ARPIN: variants seen among roughly 807,000 people sequenced by gnomAD.
The protein encoded by ARPIN is actin related protein 2/3 complex inhibitor, also known as UPF0552 protein C15orf38.
Under a neutral mutation model 25.9 loss-of-function variants are expected in ARPIN, and 23 were observed. The observed-to-expected ratio is 0.89, with a 90% confidence interval of 0.64 to 1.26. The LOEUF (loss-of-function observed/expected upper bound fraction) is 1.26. Among genes scored for constraint, ARPIN ranks in the 50% most tolerant of loss-of-function variants. ARPIN has a pLI of 0.00. For missense variants in ARPIN, 333 were observed against 312.2 expected, an observed-to-expected ratio of 1.07 and a Z score of -0.50; for synonymous variants, 126 against 131.4, an observed-to-expected ratio of 0.96 and a Z score of 0.28.
rs1382471803 is a variant in ARPIN, at chr15:89,908,176, G to C, written c.301+104C>G. On this transcript the variant is annotated intron_variant, in intron 3 of 5. Transcript: ENST00000357484. The stretch of plus-strand genomic sequence containing the variant: ...GCCACATACAGGGCTTCAACATCAA[G>C]AGGGCTGAAGAGACACTTTCCAGGG... The C allele has an allele frequency of 2.0e-6, 3 of 1,534,212 alleles. No homozygotes were observed. The African/African-American group carries it at 4.1e-5, about 21-fold the overall frequency.
chr15:89,911,895 C>G (rs965756346), intron 1 of ARPIN, among the ~76,000 whole-genome samples: 1 of 152,186 alleles, frequency 6.6e-6, no homozygotes, highest in African/African-American at 2.4e-5. Flanking sequence ...GGCACAATCT[C>G]GGCTCACTGC....
At chr15:89,910,918 T>C in intron 1 of ARPIN, 99 bp from the exon 2 acceptor site, 1 of 1,373,924 alleles carries the variant, frequency 7.3e-7, no homozygotes, top group Non-Finnish European at 1.0e-6. Context: ...GGCTGGGTAC[T>C]GAGCAGCTCC....
intron 1 of ARPIN, 59 bp downstream of exon 1, chr15:89,912,685 G>A: frequency 1.3e-6 from 1 of 742,034 alleles, no homozygotes; most frequent in Non-Finnish European, 1.7e-6. Flanking sequence ...ACCCGATCCT[G>A]TTGCGGGGTT....
Position 89,899,837 on chromosome 15 carries a change from G to A in ARPIN, c.*1958C>T, listed in dbSNP as rs371082892. The A allele has an allele frequency of 5.2e-5, 8 of 152,456 alleles. No individual in the cohort carries two copies. Among genetic ancestry groups the A allele is most frequent in the African/African-American group, 1.7e-4 (7 of 41,546 alleles). The allele number at this position is 152,456 out of a possible 1,614,324, so 9.4% of individuals were successfully genotyped here. A position where few individuals can be genotyped will look rare whatever the true frequency, so the allele number is the denominator to read the frequency against. On this transcript the variant is annotated 3_prime_UTR_variant, in exon 6 of 6. Transcript: ENST00000357484. ...TAAAGTCCCCAATTCCTTAACATGCGTGAGGATGCCATGCCCAATCTCCAG... is the reference window on the plus strand; with the variant it reads ...TAAAGTCCCCAATTCCTTAACATGCATGAGGATGCCATGCCCAATCTCCAG...
intron 3 of ARPIN, among the ~76,000 whole-genome samples, chr15:89,904,194 G>C (rs757731973): frequency 4.6e-5 from 7 of 152,234 alleles, no homozygotes; most frequent in South Asian, 2.1e-4. Flanking sequence ...GCAGATCTGG[G>C]CTCCACAATA....
chr15:89,901,997 T>C (rs1596232255), intron 5 of ARPIN, among the ~76,000 whole-genome samples, 194 bp from the exon 6 acceptor site: 1 of 152,210 alleles, frequency 6.6e-6, no homozygotes, highest in African/African-American at 2.4e-5. Context: ...ATTCGCTTTA[T>C]GAAGACAAAA....
At chr15:89,912,518 G>T in intron 1 of ARPIN, 1 of 1,298,646 alleles carries the variant, frequency 7.7e-7, no homozygotes, top group Non-Finnish European at 9.8e-7. Context: ...TCGAGGGCAG[G>T]CGGACAGGCG....
In ARPIN at chr15:89,912,773, T is replaced by A; in HGVS notation, c.63A>T (p.Pro21=). 1 of 1,460,574 alleles carries A rather than the reference T, an allele frequency of 6.8e-7. No individual in the cohort carries two copies. The highest frequency in any genetic ancestry group is 9.0e-7 in the Non-Finnish European group (1 of 1,109,352). The allele number at this position is 1,460,574 out of a possible 1,614,324, so 90.5% of individuals were successfully genotyped here. A position where few individuals can be genotyped will look rare whatever the true frequency, so the allele number is the denominator to read the frequency against. ...GGTGGGCGGCGGGGTCCCAGGCCCCTGGCAGCCGGACGCTCTGCACCGCCT... is the reference window on the plus strand; with the variant it reads ...GGTGGGCGGCGGGGTCCCAGGCCCCAGGCAGCCGGACGCTCTGCACCGCCT... The part of the protein sequence containing the change: ...RNKAVQSVRL[P]GAWDPAAHQG... Residue 21 remains proline, a synonymous_variant, in exon 1 of 6, where the codon CCA becomes CCT. Coordinates refer to ENST00000357484, the MANE Select transcript of ARPIN (RefSeq NM_182616.4).
chr15:89,901,703 C>T lies in ARPIN; in HGVS notation c.*92G>A. ...GAAGAACCAGGTAAGACTTGGCAGACTGTTCTCTCCAGCTCCAGAGTAGAA... is the reference window on the plus strand; with the variant it reads ...GAAGAACCAGGTAAGACTTGGCAGATTGTTCTCTCCAGCTCCAGAGTAGAA... On this transcript the variant is annotated 3_prime_UTR_variant, in exon 6 of 6. Transcript: ENST00000357484. 1 of 1,483,902 alleles carries T rather than the reference C, an allele frequency of 6.7e-7. No individual in the cohort carries two copies. The highest frequency in any genetic ancestry group is 1.7e-5 in the Admixed American group (1 of 57,806). The allele number at this position is 1,483,902 out of a possible 1,614,324, so 91.9% of individuals were successfully genotyped here. A position where few individuals can be genotyped will look rare whatever the true frequency, so the allele number is the denominator to read the frequency against.
chr15:89,896,856 A>T lies in ARPIN; in HGVS notation c.*4939T>A, dbSNP rs1013774447. ...TTTTCACCTCATCAAAAATCATTTT[A>T]AAAATGTTTTCATACCCAATTCTCA... On this transcript the variant is annotated 3_prime_UTR_variant, in exon 6 of 6. Coordinates refer to ENST00000357484, the MANE Select transcript of ARPIN (RefSeq NM_182616.4). 6.6e-6 allele frequency: 1 copy of T among 152,250 alleles called. No individual in the cohort carries two copies. Among genetic ancestry groups the T allele is most frequent in the Non-Finnish European group, 1.5e-5 (1 of 68,036 alleles). The allele number at this position is 152,250 out of a possible 1,614,324, so 9.4% of individuals were successfully genotyped here.
intron 3 of ARPIN, among the ~76,000 whole-genome samples, chr15:89,904,473 C>A (rs998505029): frequency 5.9e-5 from 9 of 152,190 alleles, no homozygotes; most frequent in Admixed American, 5.9e-4. Context: ...CATCTTGAGA[C>A]CCCGGTGGCC....
Position 89,910,787 on chromosome 15 carries a change from A to T in ARPIN, c.125T>A (p.Ile42Asn). ...GNGVLLEGEL[I>N]DVSRHSILDT... ...CAAGATGCTGTGCCGAGATACATCG[A>T]TCAGTTCTCCCTCCAGCAGGACACC... Residue 42 changes from isoleucine (I) to asparagine (N), a missense_variant, in exon 2 of 6, where the codon ATC becomes AAC. Physicochemically the swap from Ile to Asn is moderately radical, Grantham distance 149 (BLOSUM62 -3). Transcript: ENST00000357484. 1 of 1,614,174 alleles carries T rather than the reference A, an allele frequency of 6.2e-7. No homozygotes were observed. Among genetic ancestry groups the T allele is most frequent in the Non-Finnish European group, 8.5e-7 (1 of 1,180,022 alleles).
intron 3 of ARPIN, among the ~76,000 whole-genome samples, chr15:89,905,975 T>G (rs1596234721): frequency 6.6e-6 from 1 of 151,948 alleles, no homozygotes; most frequent in African/African-American, 2.4e-5. Flanking sequence ...CACAAACCTC[T>G]CGCCCCTCCA....
chr15:89,901,557 A>G lies in ARPIN; in HGVS notation c.*238T>C, dbSNP rs1432989446. The G allele has an allele frequency of 1.2e-5, 7 of 573,830 alleles. No individual in the cohort carries two copies. The highest frequency in any genetic ancestry group is 4.2e-5 in the South Asian group (2 of 47,384). 35.5% of individuals were successfully genotyped at this position (573,830 alleles called of 1,614,324 possible). A position where few individuals can be genotyped will look rare whatever the true frequency, so the allele number is the denominator to read the frequency against. On this transcript the variant is annotated 3_prime_UTR_variant, in exon 6 of 6. Transcript: ENST00000357484. ...TCATCATGTAATGTCTAGGAAGGCTAGACTCACATGCAGGGAGGGGCCCTC... is the reference window on the plus strand; with the variant it reads ...TCATCATGTAATGTCTAGGAAGGCTGGACTCACATGCAGGGAGGGGCCCTC...
At chr15:89,905,245 C>G (rs557410923) in intron 3 of ARPIN, among the ~76,000 whole-genome samples, 2 of 151,866 alleles carry the variant, frequency 1.3e-5, no homozygotes, top group East Asian at 3.9e-4. Flanking sequence ...TGGTCTCAAA[C>G]TCCTGACCTC....
rs1171459324 is a variant in ARPIN, at chr15:89,898,110, T to A, written c.*3685A>T. 1.4e-5 allele frequency: 2 copies of A among 140,550 alleles called. No homozygotes were observed. Among genetic ancestry groups the A allele is most frequent in the Non-Finnish European group, 3.1e-5 (2 of 65,294 alleles). The allele number at this position is 140,550 out of a possible 1,614,324, so 8.7% of individuals were successfully genotyped here. On this transcript the variant is annotated 3_prime_UTR_variant, in exon 6 of 6. Transcript: ENST00000357484. ...CCTGGGCAACAAGAGCGAAATTCCA[T>A]CTCAAAAAAAAAAAAAAGAAAGAAA... is the stretch of plus-strand genomic sequence containing the variant.
At position 89,910,811 on chromosome 15, in the gene ARPIN, C is replaced by T; in HGVS notation, c.101G>A (p.Gly34Asp). The change falls in exon 2 of 6, where the codon GGT (glycine) becomes GAT (aspartate). Residue 34 changes from glycine to aspartate, a missense_variant. Transcript: ENST00000357484. ...GATCAGTTCTCCCTCCAGCAGGACACCATTTCCCCTGGGGATGAAAGGGAA... is the reference window on the plus strand; with the variant it reads ...GATCAGTTCTCCCTCCAGCAGGACATCATTTCCCCTGGGGATGAAAGGGAA... ...WDPAAHQGGN[G>D]VLLEGELIDV... The T allele has an allele frequency of 6.2e-7, 1 of 1,614,052 alleles. No individual in the cohort carries two copies.
At chr15:89,912,662 A>AGGGGGC in intron 1 of ARPIN, 82 bp downstream of exon 1, 3 of 661,652 alleles carry the variant, frequency 4.5e-6, no homozygotes, top group Non-Finnish European at 3.9e-6. Context: ...CCCCACCCGC[A>AGGGGGC]TCCCACCCCC....
rs1768077989 is a variant in ARPIN, at chr15:89,908,353, G to A, written c.228C>T (p.Ala76=). The part of the protein sequence containing the change: ...PSHIHRRKFD[A]KGNEIEPNFS... ...AGTTGGGCTCGATTTCATTTCCCTT[G>A]GCGTCGAATTTACGGCGATGGATGT... The change falls in exon 3 of 6, where the codon GCC becomes GCT. Residue 76 remains alanine, a synonymous_variant. Coordinates refer to ENST00000357484, the MANE Select transcript of ARPIN (RefSeq NM_182616.4). 6.2e-6 allele frequency: 10 copies of A among 1,614,070 alleles called. No individual in the cohort carries two copies. The South Asian group carries it at 8.8e-5, about 14-fold the overall frequency.
Sources: gnomAD v4.1 joint callset for allele counts (sites outside exome capture counted in the v4.1 genomes callset) on GRCh38, gnomAD v4.1.1 for gene constraint, MANE v1.5 for transcripts, NCBI Gene and HGNC (gene_info 2026-07-23, HGNC 2026-07-21) for gene names.